PCSK6: variants seen among roughly 807,000 people sequenced by gnomAD.
The protein encoded by PCSK6 is proprotein convertase subtilisin/kexin type 6, also known as paired basic amino acid cleaving enzyme 4.
In PCSK6, 85 loss-of-function variants were observed where a neutral mutation model predicts 123.3. The ratio of observed to expected loss-of-function variants is 0.69; its 90% CI spans 0.58 to 0.83. PCSK6 has a LOEUF of 0.83. PCSK6 is among the 40% of genes least tolerant of loss of function. The probability of loss-of-function intolerance (pLI) is 0.00; values close to 1 mark genes in which losing one functional copy is unlikely to be tolerated. For missense variants in PCSK6, 1,191 were observed against 1,282.3 expected (o/e 0.93, Z 1.09); for synonymous variants, 508 against 516.0 (o/e 0.98, Z 0.21).
intron 11 of PCSK6, among the ~76,000 whole-genome samples, chr15:101,373,693 C>A (rs1482519981): frequency 6.6e-6 from 1 of 152,128 alleles, no homozygotes; most frequent in East Asian, 1.9e-4. Context: ...TATCAAAAGT[C>A]ATCACTTTAA....
chr15:101,489,157 A>T (rs1461084523), intron 1 of PCSK6, among the ~76,000 whole-genome samples: 1 of 103,600 alleles, frequency 9.7e-6, no homozygotes, highest in African/African-American at 3.8e-5. Flanking sequence ...GCGGGACCCC[A>T]GTCCCCCCCA....
intron 1 of PCSK6, among the ~76,000 whole-genome samples, chr15:101,488,950 C>T (rs1846989823): frequency 6.6e-6 from 1 of 150,468 alleles, no homozygotes; most frequent in Admixed American, 6.6e-5. Flanking sequence ...GGGGCCGCTC[C>T]CCCGCGGGGG....
At chr15:101,337,994 G>A (rs746228479) in intron 13 of PCSK6, among the ~76,000 whole-genome samples, 1 of 152,104 alleles carries the variant, frequency 6.6e-6, no homozygotes, top group Non-Finnish European at 1.5e-5. Context: ...ATAGAGTCCC[G>A]AAAGTGGAAC....
chr15:101,441,895 G>A (rs189765789), intron 2 of PCSK6, among the ~76,000 whole-genome samples: 1 of 152,120 alleles, frequency 6.6e-6, no homozygotes, highest in African/African-American at 2.4e-5. Context: ...ATGCTGCGTC[G>A]ACCTCTTTCC....
intron 15 of PCSK6, among the ~76,000 whole-genome samples, chr15:101,328,066 C>A (rs752965386): frequency 6.6e-6 from 1 of 152,252 alleles, no homozygotes; most frequent in Non-Finnish European, 1.5e-5. Flanking sequence ...TCTATGAGGA[C>A]AGCCTCCAAA....
At chr15:101,462,323 T>C (rs936026929) in intron 1 of PCSK6, among the ~76,000 whole-genome samples, 3 of 152,220 alleles carry the variant, frequency 2.0e-5, no homozygotes, top group East Asian at 1.9e-4. Context: ...TGCTCATGGA[T>C]AGGAAGGTCC....
At chr15:101,325,700 G>C (rs934556414) in intron 16 of PCSK6, among the ~76,000 whole-genome samples, 1 of 152,240 alleles carries the variant, frequency 6.6e-6, no homozygotes, top group African/African-American at 2.4e-5. Context: ...GACTGGCAGG[G>C]AAGAGAATCT....
At chr15:101,354,429 G>C (rs910035150) in intron 13 of PCSK6, among the ~76,000 whole-genome samples, 1 of 152,216 alleles carries the variant, frequency 6.6e-6, no homozygotes, top group Non-Finnish European at 1.5e-5. Context: ...AAACGTAAAA[G>C]AAACTACGTG....
At chr15:101,452,776 T>G (rs28672804) in intron 1 of PCSK6, among the ~76,000 whole-genome samples, 7,444 of 150,768 alleles carry the variant, frequency 0.049, 592 homozygotes, top group African/African-American at 0.17. Context: ...ATGGAACATG[T>G]TACTACATTA....
chr15:101,328,449 T>C (rs945961900), intron 15 of PCSK6, among the ~76,000 whole-genome samples: 1 of 152,108 alleles, frequency 6.6e-6, no homozygotes, highest in Non-Finnish European at 1.5e-5. Flanking sequence ...TCAATCACTA[T>C]TTGCTGAGCG....
intron 2 of PCSK6, among the ~76,000 whole-genome samples, chr15:101,441,270 AG>A (rs531976942): frequency 1.2e-3 from 183 of 152,304 alleles, no homozygotes; most frequent in Non-Finnish European, 2.0e-3. Context: ...AACTGAATAT[AG>A]GACTTTTAAC....
intron 1 of PCSK6, among the ~76,000 whole-genome samples, chr15:101,445,169 A>C (rs531797737): frequency 7.0e-4 from 107 of 152,346 alleles, no homozygotes; most frequent in African/African-American, 2.3e-3. Flanking sequence ...CCTAGTGGGC[A>C]TTCAGCAAAT....
intron 18 of PCSK6, among the ~76,000 whole-genome samples, chr15:101,321,523 G>C (rs1404286170): frequency 6.6e-6 from 1 of 152,240 alleles, no homozygotes; most frequent in Non-Finnish European, 1.5e-5. Context: ...ATTAAATGAG[G>C]CAACACTGGT....
intron 1 of PCSK6, among the ~76,000 whole-genome samples, chr15:101,464,987 T>C (rs1390791067): frequency 6.6e-6 from 1 of 152,014 alleles, no homozygotes; most frequent in East Asian, 1.9e-4. Flanking sequence ...TCGCAGGACC[T>C]GGGGAGAGGC....
Position 101,345,456 on chromosome 15 carries a change from A to G in PCSK6, c.1859-13425T>C, listed in dbSNP as rs932085013. 6.6e-5 allele frequency among the ~76,000 whole-genome samples: 10 copies of G among 152,336 alleles called. No homozygotes were observed. The East Asian group carries it at 1.9e-3, about 29-fold the overall frequency. On this transcript the variant is annotated intron_variant, in intron 13 of 21. Coordinates refer to ENST00000611716, the MANE Select transcript of PCSK6 (RefSeq NM_002570.5). The stretch of plus-strand genomic sequence containing the variant: ...AAATCAAACAAATTGGGACTTTTTT[A>G]AAAAAGGAAATAATTATCAAAACTC...
chr15:101,306,359 AAAT>A (rs2039723181), intron 21 of PCSK6, among the ~76,000 whole-genome samples: 1 of 152,008 alleles, frequency 6.6e-6, no homozygotes, highest in East Asian at 1.9e-4. Flanking sequence ...CACCCCCCAA[AAAT>A]AATAACCAGT....
At chr15:101,386,722 C>T (rs2042075535) in intron 9 of PCSK6, among the ~76,000 whole-genome samples, 2 of 152,224 alleles carry the variant, frequency 1.3e-5, no homozygotes, top group South Asian at 2.1e-4. Context: ...GCACACTTCG[C>T]TGATCTCTTC....
At position 101,399,375 on chromosome 15, in the gene PCSK6, G is replaced by T. The variant is rs560315642; in HGVS notation, c.824-799C>A. The stretch of plus-strand genomic sequence containing the variant: ...AGCCCGCACCCCAGGTTGCAATGGA[G>T]GGGACTGGGGTCTTGGACTTCGCTG... On this transcript the variant is annotated intron_variant, in intron 6 of 21. Transcript: ENST00000611716. Among the ~76,000 whole-genome samples, 30 of 152,338 alleles carry T rather than the reference G, an allele frequency of 2.0e-4. 1 individual carries two copies. The South Asian group carries it at 5.2e-3, about 26-fold the overall frequency.
At chr15:101,331,827 TCTC>T (rs2040377489) in intron 14 of PCSK6, 22 bp downstream of exon 14, 1 of 1,610,770 alleles carries the variant, frequency 6.2e-7, no homozygotes, top group Non-Finnish European at 8.5e-7. Flanking sequence ...AAGCTGGCCG[TCTC>T]CTCTTACTTC....
Sources: allele counts gnomAD v4.1 joint callset (sites outside exome capture counted in the v4.1 genomes callset), GRCh38; gene constraint gnomAD v4.1.1; transcripts MANE v1.5; gene names NCBI Gene and HGNC (gene_info 2026-07-23, HGNC 2026-07-21).